The following SGSM1 variants were observed in gnomAD, a reference collection of about 807,000 sequenced individuals.
SGSM1 encodes the protein small G protein signaling modulator 1, also known as RUN and TBC1 domain containing 2.
SGSM1 carries 73 observed loss-of-function variants against 133.8 expected under a neutral mutation model. That is an observed-to-expected ratio of 0.55 (90% CI 0.45 to 0.66). The LOEUF (loss-of-function observed/expected upper bound fraction) is 0.66. Among genes scored for constraint, SGSM1 ranks in the 30% least tolerant of loss-of-function variants. The pLI is 0.00. For missense variants in SGSM1, 1,213 were observed against 1,448.1 expected, an observed-to-expected ratio of 0.84 and a Z score of 2.64; for synonymous variants, 563 against 573.0, an observed-to-expected ratio of 0.98 and a Z score of 0.25.
At chr22:24,863,306 A>G (rs1231956043) in intron 9 of SGSM1, among the ~76,000 whole-genome samples, 1 of 151,724 alleles carries the variant, frequency 6.6e-6, no homozygotes, top group African/African-American at 2.4e-5. Flanking sequence ...ACAGGCGCCC[A>G]CCACTATGCC....
At chr22:24,853,164 C>T (rs1930580186) in intron 5 of SGSM1, among the ~76,000 whole-genome samples, 1 of 152,162 alleles carries the variant, frequency 6.6e-6, no homozygotes, top group Non-Finnish European at 1.5e-5. Flanking sequence ...TGACACACAG[C>T]AAGGCAGGGA....
intron 2 of SGSM1, among the ~76,000 whole-genome samples, chr22:24,826,735 G>C (rs1186012142): frequency 1.3e-5 from 2 of 152,148 alleles, no homozygotes; most frequent in Non-Finnish European, 2.9e-5. Context: ...GGCTCTCTGA[G>C]GGGGAGATAT....
intron 15 of SGSM1, 86 bp downstream of exon 15, chr22:24,884,284 G>T: frequency 6.7e-7 from 1 of 1,500,358 alleles, no homozygotes; most frequent in Middle Eastern, 1.8e-4. Flanking sequence ...CCACATGCTT[G>T]TGGGGACTTG....
intron 2 of SGSM1, among the ~76,000 whole-genome samples, chr22:24,816,772 C>G (rs150049041): frequency 4.1e-4 from 62 of 152,312 alleles, no homozygotes; most frequent in Non-Finnish European, 7.2e-4. Context: ...CTTGCCATCT[C>G]TCTGCATTGC....
At chr22:24,875,746 A>G (rs1194124067) in intron 12 of SGSM1, among the ~76,000 whole-genome samples, 1 of 152,182 alleles carries the variant, frequency 6.6e-6, no homozygotes. Context: ...ATGGTAATGC[A>G]TATGTCCCCA....
chr22:24,869,529 T>C (rs1349702768), intron 12 of SGSM1, among the ~76,000 whole-genome samples: 2 of 152,116 alleles, frequency 1.3e-5, no homozygotes, highest in East Asian at 3.9e-4. Context: ...TCAAAATAAA[T>C]GCAAATTAAA....
chr22:24,817,304 A>G (rs913653899), intron 2 of SGSM1, among the ~76,000 whole-genome samples: 7 of 152,144 alleles, frequency 4.6e-5, no homozygotes, highest in African/African-American at 1.7e-4. Flanking sequence ...GAAGTTGTAG[A>G]AACATCTTGT....
At chr22:24,828,754 G>A (rs1928937746) in intron 2 of SGSM1, among the ~76,000 whole-genome samples, 1 of 152,230 alleles carries the variant, frequency 6.6e-6, no homozygotes, top group Non-Finnish European at 1.5e-5. Context: ...AAATCATTCT[G>A]TTATAAAGAC....
At chr22:24,898,591 T>G in intron 19 of SGSM1, 32 bp downstream of exon 19, 1 of 1,552,806 alleles carries the variant, frequency 6.4e-7, no homozygotes, top group Admixed American at 1.9e-5. Flanking sequence ...TTCCATTTCC[T>G]TCTTTCCAGC....
intron 10 of SGSM1, 110 bp from the exon 11 acceptor site, chr22:24,868,266 G>A: frequency 7.0e-7 from 1 of 1,433,226 alleles, no homozygotes; most frequent in Non-Finnish European, 9.4e-7. Flanking sequence ...CTCAGAGCAG[G>A]ATCCCTGGGT....
chr22:24,859,876 C>G (rs199637795), intron 9 of SGSM1, 36 bp downstream of exon 9: 1 of 1,610,432 alleles, frequency 6.2e-7, no homozygotes, highest in East Asian at 2.2e-5. Context: ...CCCTTGGGTC[C>G]CTCCACTCGC....
intron 2 of SGSM1, among the ~76,000 whole-genome samples, chr22:24,809,310 G>A (rs1321813857): frequency 1.3e-5 from 2 of 152,216 alleles, no homozygotes; most frequent in African/African-American, 4.8e-5. Flanking sequence ...GTTCAAAGGA[G>A]CCACATCTCT....
chr22:24,898,673 A>AT lies in SGSM1; in HGVS notation c.2610+120dup, dbSNP rs893161801. 100 of 1,038,156 alleles carry AT rather than the reference A, an allele frequency of 9.6e-5. No homozygotes were observed. The African/African-American group carries it at 1.4e-3, about 14-fold the overall frequency. 64.3% of individuals were successfully genotyped at this position (1,038,156 alleles called of 1,614,324 possible). On this transcript the variant is annotated intron_variant, in intron 19 of 24. Coordinates refer to ENST00000400358, the MANE Select transcript of SGSM1 (RefSeq NM_001098497.3). Reference sequence around the variant, plus strand: ...CGGAGTCAGACCTCTGGTTCGTTGCATTTTTTCCGTCATGGAGGATTCACT... The same window carrying AT: ...CGGAGTCAGACCTCTGGTTCGTTGCATTTTTTTCCGTCATGGAGGATTCACT...
At chr22:24,906,814 G>A (rs1178281211) in intron 21 of SGSM1, among the ~76,000 whole-genome samples, 2 of 152,058 alleles carry the variant, frequency 1.3e-5, no homozygotes, top group Non-Finnish European at 2.9e-5. Context: ...AGCCAGGCGT[G>A]GTGGCGCATG....
At chr22:24,865,922 C>T (rs770361937) in intron 9 of SGSM1, among the ~76,000 whole-genome samples, 10 of 152,220 alleles carry the variant, frequency 6.6e-5, no homozygotes, top group Non-Finnish European at 1.5e-4. Context: ...GTACCCCGGC[C>T]TGCTAGGTCC....
At chr22:24,850,496 T>C in intron 5 of SGSM1, 64 bp downstream of exon 5, 2 of 1,588,318 alleles carry the variant, frequency 1.3e-6, no homozygotes, top group Non-Finnish European at 1.7e-6. Context: ...TTGTGGAAAT[T>C]GCACCCCCTG....
At chr22:24,842,252 CA>C (rs1169004600) in intron 2 of SGSM1, among the ~76,000 whole-genome samples, 11 of 152,098 alleles carry the variant, frequency 7.2e-5, no homozygotes, top group Admixed American at 2.0e-4. Flanking sequence ...TGACATGTTG[CA>C]GAAGGAGCTC....
intron 22 of SGSM1, among the ~76,000 whole-genome samples, chr22:24,914,918 T>C (rs1933768206): frequency 6.6e-6 from 1 of 151,564 alleles, no homozygotes; most frequent in African/African-American, 2.4e-5. Context: ...ATTTGGGGTT[T>C]TGTTTTTGGC....
chr22:24,822,088 C>CTCTTTTTTTTT (rs1555920070), intron 2 of SGSM1, among the ~76,000 whole-genome samples: 7 of 96,126 alleles, frequency 7.3e-5, no homozygotes, highest in Admixed American at 2.9e-4. Context: ...TCATCTCTCT[C>CTCTTTTTTTTT]TTTTTTTTTT....
Sources: allele counts gnomAD v4.1 joint callset (sites outside exome capture counted in the v4.1 genomes callset), GRCh38; gene constraint gnomAD v4.1.1; transcripts MANE v1.5; gene names NCBI Gene and HGNC (gene_info 2026-07-23, HGNC 2026-07-21).